The following RAB33A variants were observed in gnomAD, a reference collection of about 807,000 sequenced individuals.
RAB33A encodes the protein ras-related protein Rab-33A.
In RAB33A, 6 loss-of-function variants were observed where a neutral mutation model predicts 12.0. The ratio of observed to expected loss-of-function variants is 0.50; its 90% CI spans 0.27 to 0.99. The LOEUF is 0.99. RAB33A is among the 50% of genes least tolerant of loss of function. The pLI, the probability that RAB33A is intolerant of heterozygous loss-of-function variation, is 0.11. For synonymous variants in RAB33A, 70 were observed against 82.4 expected, an observed-to-expected ratio of 0.85 and a Z score of 0.81; for missense variants, 109 against 192.0, an observed-to-expected ratio of 0.57 and a Z score of 2.55.
Position 130,184,752 on chromosome X carries a change from A to G in RAB33A, c.*12A>G, listed in dbSNP as rs2031768710. ...CCTGTCCTTGTTGAAACCAAACGAT[A>G]TAAATACAAGATAAATTATCACTGG... On this transcript the variant is annotated 3_prime_UTR_variant, in exon 2 of 2. Transcript: ENST00000257017. The G allele has an allele frequency of 8.4e-7, 1 of 1,190,018 alleles. No homozygotes were observed. The highest frequency in any genetic ancestry group is 1.1e-6 in the Non-Finnish European group (1 of 880,140).
chrX:130,147,660 A>T, the RAB33A span: 1 of 1,211,986 alleles, frequency 8.3e-7, no homozygotes, highest in Non-Finnish European at 1.1e-6. Context: ...ATCAGAGCCA[A>T]GTCATTTAAG....
chrX:130,159,887 C>T, the RAB33A span, among the ~76,000 whole-genome samples: 1 of 108,540 alleles, frequency 9.2e-6, no homozygotes, highest in Non-Finnish European at 1.9e-5. Context: ...GTGGCACAAT[C>T]TCGGCTCACT....
At chrX:130,167,419 G>C (rs2031550502), upstream of RAB33A, among the ~76,000 whole-genome samples, 1 of 112,896 alleles carries the variant, frequency 8.9e-6, no homozygotes, top group Non-Finnish European at 1.9e-5. Flanking sequence ...GCACATTTTC[G>C]GGGGACAATG....
chrX:130,161,525 A>C, the RAB33A span, among the ~76,000 whole-genome samples: 5,344 of 107,698 alleles, frequency 0.05, 201 homozygotes, highest in African/African-American at 0.12. Flanking sequence ...AAAAAAAAAA[A>C]AAAAAAACAC....
chrX:130,153,660 G>A, the RAB33A span, among the ~76,000 whole-genome samples: 3 of 110,625 alleles, frequency 2.7e-5, no homozygotes, highest in Non-Finnish European at 5.7e-5. Context: ...TAGAGCTGGA[G>A]CTCATACAGG....
At chrX:130,164,514 T>C in the RAB33A span, among the ~76,000 whole-genome samples, 258 of 112,429 alleles carry the variant, frequency 2.3e-3, no homozygotes, top group African/African-American at 8.0e-3. Context: ...ACATTGCAAA[T>C]GCCCTAGGGG....
intron 1 of RAB33A, among the ~76,000 whole-genome samples, chrX:130,178,691 G>A (rs976185695): frequency 1.8e-5 from 2 of 109,031 alleles, no homozygotes; most frequent in Non-Finnish European, 3.8e-5. Context: ...TTGCTCTGTC[G>A]CCCAGGCTGG....
At chrX:130,119,361 T>C in the RAB33A span, among the ~76,000 whole-genome samples, 1 of 111,878 alleles carries the variant, frequency 8.9e-6, no homozygotes, top group South Asian at 3.7e-4. Flanking sequence ...CATTATCACA[T>C]TAACACAAAT....
chrX:130,123,070 TG>T, the RAB33A span, among the ~76,000 whole-genome samples: 47 of 111,641 alleles, frequency 4.2e-4, no homozygotes, highest in African/African-American at 1.4e-3. Flanking sequence ...CCAAGGGCTT[TG>T]GGTTCCATTG....
At chrX:130,165,514 C>T in the RAB33A span, 3 of 1,120,921 alleles carry the variant, frequency 2.7e-6, no homozygotes, top group Non-Finnish European at 3.6e-6. Context: ...GGCGCCAGGC[C>T]CTCGGACTTG....
the RAB33A span, among the ~76,000 whole-genome samples, chrX:130,134,912 A>G: frequency 9.0e-6 from 1 of 111,697 alleles, no homozygotes; most frequent in Non-Finnish European, 1.9e-5. Flanking sequence ...TAAGTGGAAA[A>G]GAGCAGAATA....
the RAB33A span, among the ~76,000 whole-genome samples, chrX:130,140,156 G>A: frequency 3.6e-5 from 4 of 112,664 alleles, no homozygotes; most frequent in East Asian, 1.1e-3. Context: ...AGTTTCTCAT[G>A]AGGATTTGCC....
chrX:130,113,834 C>A, the RAB33A span, among the ~76,000 whole-genome samples: 1 of 112,163 alleles, frequency 8.9e-6, no homozygotes, highest in South Asian at 3.7e-4. Flanking sequence ...CATTAACCAT[C>A]TGCACTTCCC....
At chrX:130,149,478 C>T in the RAB33A span, 77 of 1,204,675 alleles carry the variant, frequency 6.4e-5, no homozygotes, top group Admixed American at 1.3e-4. Context: ...CCAGATAACG[C>T]GGCCTTTTTC....
chrX:130,127,967 G>A, the RAB33A span, among the ~76,000 whole-genome samples: 1 of 111,513 alleles, frequency 9.0e-6, no homozygotes, highest in Non-Finnish European at 1.9e-5. Flanking sequence ...TGGGATTACA[G>A]GCGTGAGCCA....
the RAB33A span, among the ~76,000 whole-genome samples, chrX:130,151,338 A>G: frequency 2.7e-5 from 3 of 110,658 alleles, no homozygotes; most frequent in African/African-American, 9.9e-5. Flanking sequence ...GTGGGGTTTC[A>G]CTATGTTGGC....
At chrX:130,115,655 AAGAGAGAAAG>A in the RAB33A span, among the ~76,000 whole-genome samples, 6 of 76,808 alleles carry the variant, frequency 7.8e-5, no homozygotes, top group East Asian at 3.2e-4. Context: ...AAAAGAAAGA[AAGAGAGAAAG>A]AGAGAGAGAG....
chrX:130,118,324 C>A, the RAB33A span, among the ~76,000 whole-genome samples: 1 of 112,353 alleles, frequency 8.9e-6, no homozygotes, highest in Non-Finnish European at 1.9e-5. Context: ...AACTCATCAG[C>A]CCCCAATTTC....
the RAB33A span, among the ~76,000 whole-genome samples, chrX:130,154,795 T>C: frequency 2.6e-3 from 289 of 112,777 alleles, no homozygotes; most frequent in African/African-American, 8.2e-3. Context: ...TCACATTACC[T>C]TTATTTGCTT....
Sources: allele counts gnomAD v4.1 joint callset (sites outside exome capture counted in the v4.1 genomes callset), GRCh38; gene constraint gnomAD v4.1.1; transcripts MANE v1.5; gene names NCBI Gene and HGNC (gene_info 2026-07-23, HGNC 2026-07-21).